RIC3: variants seen among roughly 807,000 people sequenced by gnomAD.
RIC3 encodes RIC3 acetylcholine receptor chaperone, also known as protein RIC-3.
Under a neutral mutation model 27.3 loss-of-function variants are expected in RIC3, and 28 were observed. The ratio of observed to expected loss-of-function variants is 1.02; its 90% CI spans 0.76 to 1.41. The LOEUF (loss-of-function observed/expected upper bound fraction) is 1.41, where lower values mean the gene tolerates loss of function less well. Ranked by LOEUF, RIC3 falls within the 40% of genes most tolerant of loss-of-function variation. The probability of loss-of-function intolerance (pLI) is 0.00; values close to 1 mark genes in which losing one functional copy is unlikely to be tolerated. For synonymous variants in RIC3, 184 were observed against 160.4 expected (o/e 1.15, Z -1.11); for missense variants, 501 against 444.7 (o/e 1.13, Z -1.14).
chr11:8,095,536 G>C, the RIC3 span: 1 of 1,612,970 alleles, frequency 6.2e-7, no homozygotes, highest in Non-Finnish European at 8.5e-7. Context: ...AGACAAGTCT[G>C]AGGCCCAAGG....
At chr11:8,117,023 G>C (rs1158544964) in intron 5 of RIC3, among the ~76,000 whole-genome samples, 1 of 152,162 alleles carries the variant, frequency 6.6e-6, no homozygotes, top group Non-Finnish European at 1.5e-5. Flanking sequence ...TCCATGAATG[G>C]ATGAATAAAG....
intron 1 of RIC3, among the ~76,000 whole-genome samples, chr11:8,149,371 T>C (rs539743338): frequency 5.9e-5 from 9 of 152,172 alleles, no homozygotes; most frequent in South Asian, 4.2e-4. Context: ...ACTACCAAAT[T>C]AGTTTGGCTC....
chr11:8,168,815 C>A, intron 1 of RIC3, 51 bp downstream of exon 1: 1 of 1,580,526 alleles, frequency 6.3e-7, no homozygotes. Context: ...AAGCAGCGTT[C>A]TCCGTACTCT....
the RIC3 span, among the ~76,000 whole-genome samples, chr11:8,094,381 C>T: frequency 6.6e-6 from 1 of 152,154 alleles, no homozygotes; most frequent in African/African-American, 2.4e-5. Context: ...TGGGCTGCCT[C>T]TGGGTGTGGG....
At position 8,150,183 on chromosome 11, in the gene RIC3, T is replaced by C. The variant is rs545469618; in HGVS notation, c.125-9990A>G. Among the ~76,000 whole-genome samples the C allele has an allele frequency of 3.3e-5, 5 of 152,356 alleles. No individual in the cohort carries two copies. The South Asian group carries it at 1.0e-3, about 32-fold the overall frequency. On this transcript the variant is annotated intron_variant, in intron 1 of 5. Transcript: ENST00000309737. ...GCCCATCCCTCCAAGTGTATGTTTT[T>C]GCTTCTGGCTGGAGGCTACACTTCC...
chr11:8,131,547 GAAGTA>G (rs760197349), intron 4 of RIC3, among the ~76,000 whole-genome samples: 2 of 152,136 alleles, frequency 1.3e-5, no homozygotes, highest in Non-Finnish European at 2.9e-5. Context: ...GTCAGGAAAT[GAAGTA>G]AAGGAATGGT....
intron 4 of RIC3, among the ~76,000 whole-genome samples, chr11:8,130,153 T>C (rs1207855062): frequency 6.6e-6 from 1 of 152,224 alleles, no homozygotes; most frequent in African/African-American, 2.4e-5. Context: ...AGTGCAAAGA[T>C]TAACGTGAGC....
intron 1 of RIC3, among the ~76,000 whole-genome samples, chr11:8,142,473 C>G (rs1159936016): frequency 6.6e-6 from 1 of 150,566 alleles, no homozygotes; most frequent in Admixed American, 6.6e-5. Context: ...CAAGACTAAA[C>G]CAGGAAGAAG....
chr11:8,132,291 C>G (rs1947830175), intron 4 of RIC3, among the ~76,000 whole-genome samples: 1 of 152,180 alleles, frequency 6.6e-6, no homozygotes, highest in Non-Finnish European at 1.5e-5. Flanking sequence ...GAAACCTTTT[C>G]AATAATCTTC....
the RIC3 span, among the ~76,000 whole-genome samples, chr11:8,094,974 C>T: frequency 6.6e-6 from 1 of 152,306 alleles, no homozygotes; most frequent in Non-Finnish European, 1.5e-5. Context: ...GGAAAGCTGA[C>T]GTAGGATGGG....
At chr11:8,146,726 G>A (rs1248578780) in intron 1 of RIC3, among the ~76,000 whole-genome samples, 6 of 152,070 alleles carry the variant, frequency 3.9e-5, no homozygotes, top group South Asian at 4.1e-4. Flanking sequence ...TTTGAAAGGC[G>A]GGGCGGGGTG....
chr11:8,133,562 T>C (rs1384414205), intron 4 of RIC3, among the ~76,000 whole-genome samples: 1 of 152,200 alleles, frequency 6.6e-6, no homozygotes, highest in Non-Finnish European at 1.5e-5. Flanking sequence ...GGAAAAAGTA[T>C]TACACAACCT....
chr11:8,147,113 C>T (rs1289535910), intron 1 of RIC3, among the ~76,000 whole-genome samples: 2 of 152,210 alleles, frequency 1.3e-5, no homozygotes, highest in African/African-American at 4.8e-5. Flanking sequence ...AACCATTCCT[C>T]TCTCACCTAT....
intron 5 of RIC3, among the ~76,000 whole-genome samples, chr11:8,117,686 C>T (rs1429670044): frequency 2.0e-5 from 3 of 152,102 alleles, no homozygotes; most frequent in African/African-American, 4.8e-5. Context: ...TAACAGAGTA[C>T]ATTTTAAGTG....
At chr11:8,101,532 C>T (rs1408033123), downstream of RIC3, 2 of 1,614,232 alleles carry the variant, frequency 1.2e-6, no homozygotes, top group African/African-American at 2.7e-5. Context: ...AGGATGTGTT[C>T]ACCATGGATT....
chr11:8,100,698 G>A, the RIC3 span: 7 of 1,516,620 alleles, frequency 4.6e-6, no homozygotes, highest in Non-Finnish European at 1.8e-6. Flanking sequence ...TATGTGGAGG[G>A]GTACCATGTG....
At chr11:8,115,819 A>G (rs1945800177) in intron 5 of RIC3, among the ~76,000 whole-genome samples, 1 of 152,224 alleles carries the variant, frequency 6.6e-6, no homozygotes, top group African/African-American at 2.4e-5. Context: ...TGTCCATACT[A>G]TACAAAGCAA....
At chr11:8,141,378 T>C (rs937236450) in intron 1 of RIC3, among the ~76,000 whole-genome samples, 19 of 152,238 alleles carry the variant, frequency 1.2e-4, no homozygotes, top group Admixed American at 4.6e-4. Flanking sequence ...GGGGTTGCAG[T>C]CCTAGTTTCT....
chr11:8,100,525 A>T, the RIC3 span: 1 of 1,613,978 alleles, frequency 6.2e-7, no homozygotes, highest in African/African-American at 1.3e-5. Context: ...TTAGGCTTCA[A>T]GGGGCCTCGG....
Sources: gnomAD v4.1 joint callset for allele counts (sites outside exome capture counted in the v4.1 genomes callset) on GRCh38, gnomAD v4.1.1 for gene constraint, MANE v1.5 for transcripts, NCBI Gene and HGNC (gene_info 2026-07-23, HGNC 2026-07-21) for gene names.